Variants in MARCHF1 observed in about 807,000 individuals in gnomAD.
The protein encoded by MARCHF1 is E3 ubiquitin-protein ligase MARCHF1.
Under a neutral mutation model 54.2 loss-of-function variants are expected in MARCHF1, and 40 were observed. The observed-to-expected ratio is 0.74, with a 90% CI of 0.57 to 0.96. The LOEUF (loss-of-function observed/expected upper bound fraction) is 0.96. MARCHF1 is among the 40% of genes least tolerant of loss of function. The probability of loss-of-function intolerance (pLI) is 0.00; values close to 1 mark genes in which losing one functional copy is unlikely to be tolerated. For missense variants in MARCHF1, 586 were observed against 656.5 expected (o/e 0.89, Z 1.17); for synonymous variants, 236 against 236.3 (o/e 1.00, Z 0.01).
At chr4:164,061,356 T>C (rs1331404022) in intron 2 of MARCHF1, among the ~76,000 whole-genome samples, 3 of 151,998 alleles carry the variant, frequency 2.0e-5, no homozygotes, top group African/African-American at 4.8e-5. Context: ...TCATAATTTT[T>C]CCCCAGATAT....
chr4:164,042,448 G>A (rs1358573660), intron 2 of MARCHF1, among the ~76,000 whole-genome samples: 2 of 152,060 alleles, frequency 1.3e-5, no homozygotes, highest in African/African-American at 2.4e-5. Context: ...GAGGGGAGGT[G>A]CCACAAAGTT....
chr4:164,010,474 A>G (rs939750679), intron 2 of MARCHF1, among the ~76,000 whole-genome samples: 1 of 152,114 alleles, frequency 6.6e-6, no homozygotes, highest in African/African-American at 2.4e-5. Context: ...AAACATTTCT[A>G]TATTGCAGTG....
chr4:163,603,799 A>G (rs1741055187), intron 7 of MARCHF1, among the ~76,000 whole-genome samples: 1 of 152,044 alleles, frequency 6.6e-6, no homozygotes, highest in African/African-American at 2.4e-5. Context: ...TTCCATGGCC[A>G]ATCTTTCCAC....
chr4:163,576,431 G>A (rs1369427817), intron 8 of MARCHF1, among the ~76,000 whole-genome samples: 2 of 151,888 alleles, frequency 1.3e-5, no homozygotes, highest in African/African-American at 4.8e-5. Flanking sequence ...ATTTTTTTGA[G>A]TTTATTGAGA....
At chr4:163,965,342 T>C (rs969105690) in intron 3 of MARCHF1, among the ~76,000 whole-genome samples, 1 of 152,190 alleles carries the variant, frequency 6.6e-6, no homozygotes, top group African/African-American at 2.4e-5. Flanking sequence ...GAGCACTTTA[T>C]GTAAATCAAT....
chr4:163,671,708 T>G (rs906000427), intron 5 of MARCHF1, among the ~76,000 whole-genome samples: 5 of 152,124 alleles, frequency 3.3e-5, no homozygotes, highest in African/African-American at 1.2e-4. Context: ...TAAGTATGCA[T>G]ATATTAAATT....
chr4:163,817,518 A>G (rs528575247), intron 4 of MARCHF1, among the ~76,000 whole-genome samples: 1 of 152,028 alleles, frequency 6.6e-6, no homozygotes, highest in East Asian at 1.9e-4. Flanking sequence ...TCTTTGGTGT[A>G]CAATTGTTAC....
At chr4:163,638,899 T>G (rs1026613206) in intron 5 of MARCHF1, among the ~76,000 whole-genome samples, 1 of 152,218 alleles carries the variant, frequency 6.6e-6, no homozygotes, top group African/African-American at 2.4e-5. Context: ...TTGTTGAAAC[T>G]TCAAGACATT....
At chr4:164,045,522 A>C (rs1754223676) in intron 2 of MARCHF1, among the ~76,000 whole-genome samples, 1 of 150,734 alleles carries the variant, frequency 6.6e-6, no homozygotes, top group Non-Finnish European at 1.5e-5. Flanking sequence ...TAAATAAATA[A>C]ATAAATAAAT....
chr4:163,914,853 G>T (rs150511244), intron 3 of MARCHF1, among the ~76,000 whole-genome samples: 1 of 152,060 alleles, frequency 6.6e-6, no homozygotes. Flanking sequence ...TGTACACTAG[G>T]TATTATTAGA....
intron 1 of MARCHF1, among the ~76,000 whole-genome samples, chr4:164,351,849 G>A (rs1400657344): frequency 1.3e-5 from 2 of 151,760 alleles, no homozygotes; most frequent in Non-Finnish European, 2.9e-5. Context: ...AGGCAAAGAA[G>A]TTGAAAACTT....
intron 3 of MARCHF1, among the ~76,000 whole-genome samples, chr4:163,925,061 T>G (rs1393964759): frequency 6.6e-6 from 1 of 151,822 alleles, no homozygotes; most frequent in African/African-American, 2.4e-5. Context: ...GGTTTTGAAT[T>G]TGGTCCCCTT....
intron 2 of MARCHF1, among the ~76,000 whole-genome samples, chr4:164,099,489 C>G (rs183277005): frequency 3.9e-5 from 6 of 152,196 alleles, no homozygotes; most frequent in African/African-American, 1.4e-4. Context: ...AGCTCTATTT[C>G]CTAGAAAAGT....
intron 1 of MARCHF1, among the ~76,000 whole-genome samples, chr4:164,135,059 C>T (rs939825115): frequency 7.9e-5 from 12 of 152,114 alleles, no homozygotes; most frequent in African/African-American, 2.7e-4. Context: ...AATAAAAAGA[C>T]ATAGTCCTCC....
intron 2 of MARCHF1, among the ~76,000 whole-genome samples, chr4:164,094,456 C>T (rs1242701557): frequency 6.6e-6 from 1 of 152,104 alleles, no homozygotes; most frequent in Non-Finnish European, 1.5e-5. Flanking sequence ...CCGGAGAGAA[C>T]AGAGTAAGAT....
intron 3 of MARCHF1, among the ~76,000 whole-genome samples, chr4:163,920,375 C>T (rs1751400612): frequency 6.6e-6 from 1 of 152,216 alleles, no homozygotes; most frequent in African/African-American, 2.4e-5. Context: ...AGATGCTAGA[C>T]TTGGTATTGC....
chr4:163,894,885 C>CATATATATATGCATGTGATGCATAT (rs1560808063), intron 3 of MARCHF1, among the ~76,000 whole-genome samples: 2 of 14,354 alleles, frequency 1.4e-4, no homozygotes, highest in African/African-American at 3.4e-4. Flanking sequence ...GCATGTGATG[C>CATATATATATGCATGTGATGCATAT]ATATATATAT....
chr4:163,874,269 A>C (rs1750241755), intron 3 of MARCHF1, among the ~76,000 whole-genome samples: 1 of 152,204 alleles, frequency 6.6e-6, no homozygotes, highest in Middle Eastern at 3.2e-3. Flanking sequence ...ACGTGGCGGA[A>C]GTACACTCAG....
At chr4:164,117,601 C>G (rs187776256) in intron 1 of MARCHF1, among the ~76,000 whole-genome samples, 2 of 152,012 alleles carry the variant, frequency 1.3e-5, no homozygotes, top group Admixed American at 1.3e-4. Flanking sequence ...TAAATAAACA[C>G]TTAAAATCAA....
Sources: gnomAD v4.1 joint callset for allele counts (sites outside exome capture counted in the v4.1 genomes callset) on GRCh38, gnomAD v4.1.1 for gene constraint, MANE v1.5 for transcripts, NCBI Gene and HGNC (gene_info 2026-07-23, HGNC 2026-07-21) for gene names.